DPCD: variants seen among roughly 807,000 people sequenced by gnomAD.
DPCD encodes the protein protein DPCD.
Under a neutral mutation model 26.4 loss-of-function variants are expected in DPCD, and 20 were observed. The ratio of observed to expected loss-of-function variants is 0.76; its 90% CI spans 0.53 to 1.10. The LOEUF (loss-of-function observed/expected upper bound fraction) is 1.10. DPCD is among the 50% of genes least tolerant of loss of function. DPCD has a pLI of 0.00. For synonymous variants in DPCD, 97 were observed against 94.2 expected (o/e 1.03, Z -0.17); for missense variants, 202 against 253.9 (o/e 0.80, Z 1.39).
chr10:101,588,543 A>C, intron 1 of DPCD, 143 bp downstream of exon 1: 1 of 1,466,282 alleles, frequency 6.8e-7, no homozygotes, highest in African/African-American at 1.4e-5. Context: ...AGATGAGGAG[A>C]CTGAGGTTCA....
intron 3 of DPCD, 30 bp from the exon 4 acceptor site, chr10:101,601,173 C>G: frequency 6.2e-7 from 1 of 1,613,100 alleles, no homozygotes; most frequent in Non-Finnish European, 8.5e-7. Flanking sequence ...TCCCCAGGAA[C>G]AGTCCTCGAG....
rs1431563873 is a variant in DPCD at position 101,605,180 on chromosome 10, C to A, written c.405-3655C>A. 3 of 1,550,426 alleles carry A rather than the reference C, an allele frequency of 1.9e-6. No individual in the cohort carries two copies. In the East Asian group the frequency reaches 7.3e-5, roughly 38 times the overall value. ...GCTTCTCTGGACCCCTCTGGCCATG[C>A]GGTGTGCAGGTGTGCATGGCACCCC... is the stretch of plus-strand genomic sequence containing the variant. On this transcript the variant is annotated intron_variant, in intron 4 of 5. Transcript: ENST00000370151.
At chr10:101,608,980 T>A in intron 5 of DPCD, 43 bp downstream of exon 5, 1 of 1,467,742 alleles carries the variant, frequency 6.8e-7, no homozygotes, top group Non-Finnish European at 9.5e-7. Flanking sequence ...TCAGGGAGAG[T>A]CTTCCTCTTT....
In DPCD at chr10:101,600,981, G is replaced by T. The variant is rs1298682038; in HGVS notation, c.270+119G>T. 3 of 1,525,124 alleles carry T rather than the reference G, an allele frequency of 2.0e-6. No individual in the cohort carries two copies. In the African/African-American group the frequency reaches 4.2e-5, roughly 21 times the overall value. The allele number at this position is 1,525,124 out of a possible 1,614,324, so 94.5% of individuals were successfully genotyped here. On this transcript the variant is annotated intron_variant, in intron 3 of 5. Transcript: ENST00000370151. This position sits in a 1 kb window ranked among gnomAD's most constrained non-coding sequence, Gnocchi z 4.7. ...CTCCTCGCCTCCAGTGTGCCACCTG[G>T]ACACAGCACTCTATAAATGTTTGTT...
rs1365855678 is a variant in DPCD at position 101,600,763 on chromosome 10, C to A, written c.171C>A (p.Ala57=). ...TGAGAAAGTGGCGTGTGAAAAGTGC[C>A]CTGGGAGCCATGGGCCAGTGGCAGC... ...LLVRKWRVKS[A]LGAMGQWQLE... is the part of the protein sequence containing the mutation. The change falls in exon 3 of 6, where the codon GCC becomes GCA. Residue 57 remains alanine, a synonymous_variant. Transcript: ENST00000370151. This position sits in a 1 kb window ranked among gnomAD's most constrained non-coding sequence, Gnocchi z 4.7. 6.2e-7 allele frequency: 1 copy of A among 1,613,474 alleles called. No individual in the cohort carries two copies. The highest frequency in any genetic ancestry group is 8.5e-7 in the Non-Finnish European group (1 of 1,179,850).
At chr10:101,608,303 C>T (rs1034537460) in intron 4 of DPCD, among the ~76,000 whole-genome samples, 11 of 152,178 alleles carry the variant, frequency 7.2e-5, no homozygotes, top group African/African-American at 2.7e-4. Flanking sequence ...CTCTGGCCTA[C>T]AAGGCCAGGC....
chr10:101,607,649 T>C (rs1330912251), intron 4 of DPCD, among the ~76,000 whole-genome samples: 1 of 152,112 alleles, frequency 6.6e-6, no homozygotes, highest in Non-Finnish European at 1.5e-5. Context: ...TGAAGTGGAC[T>C]CAGGGTAGCT....
At chr10:101,609,275 A>G in intron 5 of DPCD, 92 bp from the exon 6 acceptor site, 1 of 1,180,894 alleles carries the variant, frequency 8.5e-7, no homozygotes, top group South Asian at 1.4e-5. Context: ...TCGTGCAAAT[A>G]AGGGGATCAG....
chr10:101,604,360 T>G (rs558995940), intron 4 of DPCD, among the ~76,000 whole-genome samples: 1 of 152,332 alleles, frequency 6.6e-6, no homozygotes, highest in African/African-American at 2.4e-5. Flanking sequence ...TCTCTCTGAT[T>G]TGACCTCTTC....
chr10:101,607,777 G>T (rs1413437940), intron 4 of DPCD, among the ~76,000 whole-genome samples: 1 of 152,196 alleles, frequency 6.6e-6, no homozygotes, highest in Non-Finnish European at 1.5e-5. Context: ...TACAACCTCT[G>T]CAGCAGAAAG....
At chr10:101,606,249 C>T (rs1233304425) in intron 4 of DPCD, among the ~76,000 whole-genome samples, 4 of 152,086 alleles carry the variant, frequency 2.6e-5, no homozygotes, top group Non-Finnish European at 5.9e-5. Flanking sequence ...GCAACCTCCG[C>T]CCCCTGGGTT....
At chr10:101,593,879 TC>T (rs2063630918) in intron 1 of DPCD, among the ~76,000 whole-genome samples, 1 of 152,202 alleles carries the variant, frequency 6.6e-6, no homozygotes, top group Non-Finnish European at 1.5e-5. Context: ...ATTCATCCTT[TC>T]AATCAGTATT....
rs775939781 is a variant in DPCD at position 101,600,820 on chromosome 10, A to G, written c.228A>G (p.Ala76=). The G allele has an allele frequency of 2.5e-6, 4 of 1,613,990 alleles. No individual in the cohort carries two copies. The highest frequency in any genetic ancestry group is 2.2e-5 in the East Asian group (1 of 44,856). Residue 76 remains alanine, a synonymous_variant, in exon 3 of 6, where the codon GCA becomes GCG. Transcript: ENST00000370151. This position sits in a 1 kb window ranked among gnomAD's most constrained non-coding sequence, Gnocchi z 4.7. ...LEVGDPAPLG[A]GNLGPELIKE... ...TAGGAGACCCAGCGCCCCTAGGAGC[A>G]GGGAACCTGGGGCCTGAACTCATCA...
chr10:101,598,844 G>A (rs952228524), intron 2 of DPCD, among the ~76,000 whole-genome samples: 24 of 151,950 alleles, frequency 1.6e-4, no homozygotes, highest in African/African-American at 5.1e-4. Flanking sequence ...GGCTGGTCTC[G>A]AACTCCCTCA....
intron 4 of DPCD, among the ~76,000 whole-genome samples, chr10:101,607,474 A>G (rs1367543165): frequency 2.0e-5 from 3 of 152,172 alleles, no homozygotes; most frequent in Non-Finnish European, 4.4e-5. Context: ...TTAAGTAAAC[A>G]TTCTTTTCCT....
At chr10:101,593,399 T>C (rs556298277) in intron 1 of DPCD, among the ~76,000 whole-genome samples, 1 of 152,300 alleles carries the variant, frequency 6.6e-6, no homozygotes, top group Non-Finnish European at 1.5e-5. Context: ...AAAAGGCACC[T>C]TGGGGCTCTT....
intron 2 of DPCD, among the ~76,000 whole-genome samples, chr10:101,595,507 T>C (rs1589722892): frequency 6.6e-6 from 1 of 152,230 alleles, no homozygotes; most frequent in South Asian, 2.1e-4. Context: ...CACAGGCTGG[T>C]TTATTTTCTT....
At chr10:101,589,665 G>A (rs1398933199) in intron 1 of DPCD, among the ~76,000 whole-genome samples, 1 of 152,170 alleles carries the variant, frequency 6.6e-6, no homozygotes, top group East Asian at 1.9e-4. Context: ...GATCCCTTGA[G>A]GCCAGGAGTT....
intron 4 of DPCD, among the ~76,000 whole-genome samples, chr10:101,605,639 T>C (rs2063728833): frequency 6.6e-6 from 1 of 152,192 alleles, no homozygotes; most frequent in African/African-American, 2.4e-5. Context: ...AGGCCACTGA[T>C]GTGTTGGAGA....
Sources: allele counts gnomAD v4.1 joint callset (sites outside exome capture counted in the v4.1 genomes callset), GRCh38; gene constraint gnomAD v4.1.1; non-coding constraint Gnocchi (gnomAD v3.1); transcripts MANE v1.5; gene names NCBI Gene and HGNC (gene_info 2026-07-23, HGNC 2026-07-21).